The following SPATS2L variants were observed in gnomAD, a reference collection of about 807,000 sequenced individuals.
The protein encoded by SPATS2L is spermatogenesis associated serine rich 2 like, also known as SPATS2-like protein.
In SPATS2L, 30 loss-of-function variants were observed where a neutral mutation model predicts 59.6. The ratio of observed to expected loss-of-function variants is 0.50; its 90% CI spans 0.38 to 0.68. SPATS2L has a LOEUF of 0.68. SPATS2L is among the 30% of genes least tolerant of loss of function. The pLI is 0.00. For synonymous variants in SPATS2L, 252 were observed against 263.5 expected (o/e 0.96, Z 0.42); for missense variants, 615 against 700.0 (o/e 0.88, Z 1.37).
intron 2 of SPATS2L, among the ~76,000 whole-genome samples, chr2:200,385,697 A>ATTTTTTT (rs1048488072): frequency 6.9e-6 from 1 of 145,480 alleles, no homozygotes; most frequent in Non-Finnish European, 1.5e-5. Context: ...TAAACTTAAA[A>ATTTTTTT]TTTTTTTTTT....
chr2:200,356,228 G>A (rs2080909376), intron 2 of SPATS2L, among the ~76,000 whole-genome samples: 1 of 152,122 alleles, frequency 6.6e-6, no homozygotes, highest in South Asian at 2.1e-4. Context: ...TTCTGATCAA[G>A]GCCTAAATAA....
intron 1 of SPATS2L, 139 bp downstream of exon 1, chr2:200,307,061 C>G (rs1225569123): frequency 5.8e-5 from 42 of 726,598 alleles, no homozygotes; most frequent in Non-Finnish European, 7.1e-5. Context: ...TCCGCCGCCT[C>G]CCGGAGCGCT....
intron 2 of SPATS2L, among the ~76,000 whole-genome samples, chr2:200,335,351 C>A (rs1225419160): frequency 2.0e-5 from 3 of 150,516 alleles, no homozygotes; most frequent in Non-Finnish European, 4.4e-5. Context: ...ACACTCTGGC[C>A]TGGGCGACAG....
chr2:200,356,647 T>A (rs924788846), intron 2 of SPATS2L, among the ~76,000 whole-genome samples: 2 of 152,192 alleles, frequency 1.3e-5, no homozygotes, highest in Non-Finnish European at 2.9e-5. Context: ...TCAACTAGAT[T>A]CAATAGGAAA....
chr2:200,306,911 C>T lies in SPATS2L; in HGVS notation c.-84C>T, dbSNP rs2079033645. On this transcript the variant is annotated 5_prime_UTR_variant, in exon 1 of 13. Transcript: ENST00000409140. ...CCGGCCCGGGACGGAGGAGCCGGCGCTCGACACAGAGGTAAGCCCAGGACC... is the reference window on the plus strand; with the variant it reads ...CCGGCCCGGGACGGAGGAGCCGGCGTTCGACACAGAGGTAAGCCCAGGACC... 5.1e-6 allele frequency: 5 copies of T among 981,542 alleles called. No homozygotes were observed. Among genetic ancestry groups the T allele is most frequent in the Non-Finnish European group, 6.0e-6 (5 of 828,390 alleles). The allele number at this position is 981,542 out of a possible 1,614,324, so 60.8% of individuals were successfully genotyped here. A position where few individuals can be genotyped will look rare whatever the true frequency, so the allele number is the denominator to read the frequency against.
intron 1 of SPATS2L, among the ~76,000 whole-genome samples, chr2:200,320,620 A>G (rs986883601): frequency 1.3e-4 from 20 of 152,158 alleles, no homozygotes; most frequent in Admixed American, 1.3e-3. Flanking sequence ...AGTATCAGTA[A>G]CGTGACCATG....
intron 4 of SPATS2L, 39 bp from the exon 5 acceptor site, chr2:200,416,340 G>T: frequency 5.6e-6 from 6 of 1,080,388 alleles, no homozygotes; most frequent in Non-Finnish European, 7.7e-6. Context: ...GGTGTTTTAT[G>T]ATGTGAATAT....
upstream of SPATS2L, chr2:200,306,272 G>A (rs547284791): frequency 3.8e-5 from 38 of 1,002,244 alleles, no homozygotes; most frequent in Non-Finnish European, 4.2e-5. Flanking sequence ...AGTGCTGAGG[G>A]AGCAAAGTTC....
intron 1 of SPATS2L, chr2:200,308,899 T>C (rs2079109143): frequency 1.6e-6 from 1 of 607,528 alleles, no homozygotes; most frequent in Non-Finnish European, 3.0e-6. Context: ...AGCCCCCTAA[T>C]GAAAGTCTTC....
At chr2:200,307,813 G>A (rs1001979302) in intron 1 of SPATS2L, among the ~76,000 whole-genome samples, 9 of 152,328 alleles carry the variant, frequency 5.9e-5, no homozygotes, top group African/African-American at 2.2e-4. Flanking sequence ...CATCCCCCCC[G>A]CAATCCTGGT....
Position 200,477,925 on chromosome 2 carries a change from G to A in SPATS2L, c.1571G>A (p.Arg524Gln), listed in dbSNP as rs764588268. 38 of 1,612,078 alleles carry A rather than the reference G, an allele frequency of 2.4e-5. No individual in the cohort carries two copies. The highest frequency in any genetic ancestry group is 1.9e-4 in the Middle Eastern group (1 of 5,216). Residue 524 changes from arginine (R) to glutamine (Q), a missense_variant, in exon 13 of 13, where the codon CGG becomes CAG. By Grantham distance (43) the Arg-to-Gln change is conservative. Transcript: ENST00000409140. ...GACACCTCGGAGGCCAGGCCCTTCC[G>A]GGGTAGTGTCGGTAGGGTTTCACAG... ...AADTSEARPF[R>Q]GSVGRVSQCN...
At chr2:200,407,047 A>G (rs1322196175) in intron 3 of SPATS2L, among the ~76,000 whole-genome samples, 1 of 152,220 alleles carries the variant, frequency 6.6e-6, no homozygotes, top group Admixed American at 6.5e-5. Context: ...TTCAAGCCAC[A>G]TGGTCTTTCC....
intron 2 of SPATS2L, among the ~76,000 whole-genome samples, chr2:200,339,980 T>G (rs908135004): frequency 2.0e-5 from 3 of 152,212 alleles, no homozygotes; most frequent in Non-Finnish European, 4.4e-5. Flanking sequence ...TCGTTCACAC[T>G]GCAATTGACT....
chr2:200,443,194 T>C (rs2084813938), intron 8 of SPATS2L, among the ~76,000 whole-genome samples: 2 of 152,298 alleles, frequency 1.3e-5, no homozygotes, highest in East Asian at 1.9e-4. Context: ...CCAGCAAACA[T>C]GGTGACATAC....
chr2:200,362,245 C>G (rs541724250), intron 2 of SPATS2L, among the ~76,000 whole-genome samples: 2 of 152,060 alleles, frequency 1.3e-5, no homozygotes, highest in African/African-American at 4.8e-5. Context: ...CAGACCTTGT[C>G]TTGAAAAAAA....
chr2:200,384,069 T>G (rs2081912216), intron 2 of SPATS2L: 1 of 901,682 alleles, frequency 1.1e-6, no homozygotes, highest in Non-Finnish European at 1.4e-6. Context: ...ATTAGAAACA[T>G]AAATATATAT....
chr2:200,429,748 A>G (rs2083796770), intron 6 of SPATS2L, among the ~76,000 whole-genome samples: 1 of 152,206 alleles, frequency 6.6e-6, no homozygotes, highest in Non-Finnish European at 1.5e-5. Flanking sequence ...TGACATCAAA[A>G]GTTAACATTC....
At chr2:200,447,709 A>T (rs112558281) in intron 8 of SPATS2L, among the ~76,000 whole-genome samples, 2 of 152,188 alleles carry the variant, frequency 1.3e-5, no homozygotes, top group African/African-American at 4.8e-5. Flanking sequence ...AGTATAGTGT[A>T]GTTGTACAGT....
At chr2:200,339,005 A>ATT (rs1463315364) in intron 2 of SPATS2L, among the ~76,000 whole-genome samples, 1 of 152,228 alleles carries the variant, frequency 6.6e-6, no homozygotes, top group Non-Finnish European at 1.5e-5. Context: ...AAAACTTAAT[A>ATT]AAGATTTGGG....
Sources: allele counts gnomAD v4.1 joint callset (sites outside exome capture counted in the v4.1 genomes callset), GRCh38; gene constraint gnomAD v4.1.1; transcripts MANE v1.5; gene names NCBI Gene and HGNC (gene_info 2026-07-23, HGNC 2026-07-21).